HSF2BP: variants seen among roughly 807,000 people sequenced by gnomAD.
The protein encoded by HSF2BP is heat shock transcription factor 2 binding protein.
In HSF2BP, 35 loss-of-function variants were observed where a neutral mutation model predicts 35.0. The observed-to-expected ratio is 1.00, with a 90% CI of 0.76 to 1.32. HSF2BP has a LOEUF of 1.32. HSF2BP is among the 40% of genes most tolerant of loss of function. The probability of loss-of-function intolerance (pLI) is 0.00; values close to 1 mark genes in which losing one functional copy is unlikely to be tolerated. For missense variants in HSF2BP, 326 were observed against 321.7 expected (o/e 1.01, Z -0.10); for synonymous variants, 114 against 117.4 (o/e 0.97, Z 0.18).
intron 7 of HSF2BP, among the ~76,000 whole-genome samples, chr21:43,612,597 G>A (rs2082221146): frequency 6.9e-6 from 1 of 145,826 alleles, no homozygotes; most frequent in Admixed American, 7.2e-5. Flanking sequence ...CTTGCAGTGA[G>A]CCGAGATCAC....
At chr21:43,650,701 GCTTT>G (rs1273732022) in intron 3 of HSF2BP, among the ~76,000 whole-genome samples, 3 of 131,566 alleles carry the variant, frequency 2.3e-5, no homozygotes, top group East Asian at 4.9e-4. Flanking sequence ...TTTCAGGCTT[GCTTT>G]TTTTTTTTTT....
chr21:43,606,428 C>T (rs1365324368), intron 7 of HSF2BP, among the ~76,000 whole-genome samples: 1 of 151,894 alleles, frequency 6.6e-6, no homozygotes, highest in Non-Finnish European at 1.5e-5. Flanking sequence ...ATGGTGTGAG[C>T]AGGAGGAAAG....
intron 7 of HSF2BP, among the ~76,000 whole-genome samples, chr21:43,600,559 A>G (rs1329235330): frequency 6.6e-6 from 1 of 152,234 alleles, no homozygotes; most frequent in Non-Finnish European, 1.5e-5. Context: ...CCAATTTTTC[A>G]TTAGACAGAG....
intron 6 of HSF2BP, among the ~76,000 whole-genome samples, chr21:43,625,454 C>T (rs939748584): frequency 1.1e-4 from 17 of 151,914 alleles, no homozygotes; most frequent in Non-Finnish European, 2.2e-4. Flanking sequence ...AGAAGGATGG[C>T]GTGCAGGAAG....
intron 3 of HSF2BP, among the ~76,000 whole-genome samples, chr21:43,647,088 T>A (rs2082718367): frequency 6.6e-6 from 1 of 152,222 alleles, no homozygotes; most frequent in South Asian, 2.1e-4. Flanking sequence ...GAAAAACACA[T>A]GGCTACTTTA....
intron 8 of HSF2BP, among the ~76,000 whole-genome samples, chr21:43,578,734 G>C (rs2838322): frequency 0.68 from 103,030 of 152,070 alleles, 35,329 homozygotes; most frequent in East Asian, 0.79. Context: ...GTAAGCAGAG[G>C]TCTCCTACAC....
the HSF2BP span, among the ~76,000 whole-genome samples, chr21:43,506,105 G>A: frequency 7.5e-6 from 1 of 133,430 alleles, no homozygotes; most frequent in African/African-American, 2.9e-5. Context: ...CCTGCCGAGT[G>A]TGCCGGCTCT....
At chr21:43,631,798 T>C (rs984790615) in intron 5 of HSF2BP, among the ~76,000 whole-genome samples, 10 of 152,086 alleles carry the variant, frequency 6.6e-5, no homozygotes, top group South Asian at 6.2e-4. Context: ...TACCTATTCA[T>C]CAAGGCCCAT....
chr21:43,599,623 A>G (rs1027913304), intron 7 of HSF2BP, among the ~76,000 whole-genome samples: 4 of 151,908 alleles, frequency 2.6e-5, no homozygotes, highest in Non-Finnish European at 5.9e-5. Context: ...GTGAAACCTC[A>G]TCTCTACTAA....
intron 7 of HSF2BP, among the ~76,000 whole-genome samples, chr21:43,611,600 G>A (rs535222718): frequency 6.6e-6 from 1 of 152,222 alleles, no homozygotes; most frequent in African/African-American, 2.4e-5. Context: ...GCCACACAGA[G>A]AGCACCAGGA....
intron 7 of HSF2BP, among the ~76,000 whole-genome samples, chr21:43,613,369 C>T (rs1015039585): frequency 6.6e-6 from 1 of 152,216 alleles, no homozygotes; most frequent in Non-Finnish European, 1.5e-5. Context: ...CCTAGATTCT[C>T]TGAAAAGATC....
chr21:43,580,559 T>C (rs530808929), intron 8 of HSF2BP, among the ~76,000 whole-genome samples: 12 of 152,366 alleles, frequency 7.9e-5, no homozygotes, highest in South Asian at 6.2e-4. Flanking sequence ...CTTTGTTCTA[T>C]TGGACATTCT....
intron 6 of HSF2BP, among the ~76,000 whole-genome samples, chr21:43,629,018 C>T (rs1038955510): frequency 6.6e-6 from 1 of 152,150 alleles, no homozygotes; most frequent in Admixed American, 6.5e-5. Flanking sequence ...TGTTCATTGA[C>T]AATGCACCTG....
intron 6 of HSF2BP, among the ~76,000 whole-genome samples, chr21:43,620,589 G>A (rs1323173870): frequency 6.6e-6 from 1 of 152,160 alleles, no homozygotes; most frequent in Non-Finnish European, 1.5e-5. Flanking sequence ...TACCTACTCA[G>A]GAGGCTGAGG....
In HSF2BP at chr21:43,618,923, C is replaced by T. The variant is rs552968085; in HGVS notation, c.575-4976G>A. ...TCGCACTGCTGCACTCCAGCCTGAGCGACAGAGCAAGACTCCGTCTCAAAA... is the reference window on the plus strand; with the variant it reads ...TCGCACTGCTGCACTCCAGCCTGAGTGACAGAGCAAGACTCCGTCTCAAAA... On this transcript the variant is annotated intron_variant, in intron 6 of 8. Transcript: ENST00000291560. Among the ~76,000 whole-genome samples, 160 of 149,768 alleles carry T rather than the reference C, an allele frequency of 1.1e-3. 2 individuals are homozygous for T. The highest frequency in any genetic ancestry group is 3.3e-3 in the African/African-American group (136 of 40,620).
intron 3 of HSF2BP, among the ~76,000 whole-genome samples, chr21:43,656,222 CT>C (rs957199794): frequency 3.3e-5 from 5 of 152,260 alleles, no homozygotes; most frequent in African/African-American, 1.2e-4. Context: ...GCTATCTCTA[CT>C]GACAAGTAAA....
In HSF2BP at chr21:43,613,628, G is replaced by T. The variant is rs141847950; in HGVS notation, c.692+202C>A. 1.4e-4 allele frequency among the ~76,000 whole-genome samples: 21 copies of T among 152,256 alleles called. No homozygotes were observed. The East Asian group carries it at 4.1e-3, about 29-fold the overall frequency. On this transcript the variant is annotated intron_variant, in intron 7 of 8. Transcript: ENST00000291560. ...TACTGGGACTCACTGATTGCTCTAA[G>T]GTGAGAACATTCCTTCCTTAAATTT...
chr21:43,628,980 G>C (rs999745135), intron 6 of HSF2BP, among the ~76,000 whole-genome samples: 10 of 152,062 alleles, frequency 6.6e-5, no homozygotes, highest in African/African-American at 2.2e-4. Context: ...CTACTGCTCA[G>C]AAAAAAAGAT....
intron 3 of HSF2BP, among the ~76,000 whole-genome samples, chr21:43,647,755 C>T (rs530943149): frequency 6.6e-6 from 1 of 151,752 alleles, no homozygotes; most frequent in South Asian, 2.1e-4. Flanking sequence ...ATGGCAAAAC[C>T]CCATCTCTAC....
Sources: allele counts gnomAD v4.1 joint callset (sites outside exome capture counted in the v4.1 genomes callset), GRCh38; gene constraint gnomAD v4.1.1; transcripts MANE v1.5; gene names NCBI Gene and HGNC (gene_info 2026-07-23, HGNC 2026-07-21).